Variants in VTI1A observed in about 807,000 individuals in gnomAD.
VTI1A encodes vesicle transport through interaction with t-SNAREs 1A, also known as vesicle transport through interaction with t-SNAREs homolog 1A.
A neutral mutation model predicts 34.9 loss-of-function variants in VTI1A; 22 were observed. The observed-to-expected ratio is 0.63, with a 90% CI of 0.45 to 0.90. VTI1A has a LOEUF of 0.90. Ranked by LOEUF, VTI1A falls within the 40% of genes least tolerant of loss-of-function variation. The pLI is 0.00. For synonymous variants in VTI1A, 87 were observed against 97.3 expected (o/e 0.89, Z 0.62); for missense variants, 268 against 275.6 (o/e 0.97, Z 0.20).
chr10:112,634,788 A>C (rs2134638002), intron 5 of VTI1A, among the ~76,000 whole-genome samples: 2 of 152,130 alleles, frequency 1.3e-5, no homozygotes, highest in African/African-American at 4.8e-5. Flanking sequence ...TTTTTTATAT[A>C]TCTGCCATGT....
rs11196057 is a variant in VTI1A at position 112,689,083 on chromosome 10, C to A, written c.560+20085C>A. Among the ~76,000 whole-genome samples the A allele has an allele frequency of 1.1e-3, 160 of 152,206 alleles. 2 individuals carry two copies. The East Asian group carries it at 0.024, about 23-fold the overall frequency. On this transcript the variant is annotated intron_variant, in intron 7 of 7. Transcript: ENST00000393077. ...AATTATTTGTACCTTTCTATAGTGA[C>A]CATCCAAACCACTTGCATGTATTAA...
chr10:112,528,694 C>A (rs12775066), intron 4 of VTI1A, among the ~76,000 whole-genome samples: 1 of 152,032 alleles, frequency 6.6e-6, no homozygotes, highest in African/African-American at 2.4e-5. Context: ...AAAACACTAT[C>A]TTTTTTGCAA....
intron 7 of VTI1A, among the ~76,000 whole-genome samples, chr10:112,808,867 A>G (rs1853186998): frequency 6.6e-6 from 1 of 152,170 alleles, no homozygotes; most frequent in African/African-American, 2.4e-5. Flanking sequence ...TGGTAGTAAG[A>G]ATGGTCCTTG....
At chr10:112,623,771 C>G (rs1305013538) in intron 5 of VTI1A, among the ~76,000 whole-genome samples, 1 of 152,074 alleles carries the variant, frequency 6.6e-6, no homozygotes, top group South Asian at 2.1e-4. Context: ...AAAAATACTG[C>G]GAGGGTTTCC....
intron 7 of VTI1A, among the ~76,000 whole-genome samples, chr10:112,670,219 C>T (rs532930826): frequency 2.0e-5 from 3 of 152,226 alleles, no homozygotes; most frequent in East Asian, 3.9e-4. Context: ...AGGGCTCCTG[C>T]GTCGTGAGCT....
At chr10:112,447,048 GGA>G, upstream of VTI1A, 1 of 314,734 alleles carries the variant, frequency 3.2e-6, no homozygotes, top group Non-Finnish European at 6.2e-6. Flanking sequence ...CACGAAGGGG[GGA>G]AAAAACGCTT....
chr10:112,797,001 G>A (rs1404492978), intron 7 of VTI1A, among the ~76,000 whole-genome samples: 1 of 152,146 alleles, frequency 6.6e-6, no homozygotes, highest in African/African-American at 2.4e-5. Context: ...AGTCAAAACT[G>A]TTGTCTGAAA....
intron 5 of VTI1A, among the ~76,000 whole-genome samples, chr10:112,555,749 T>C (rs1361387082): frequency 6.6e-6 from 1 of 152,054 alleles, no homozygotes; most frequent in Non-Finnish European, 1.5e-5. Context: ...ATTACCCTAC[T>C]TATTTCAGCC....
At chr10:112,628,583 A>G (rs1376598834) in intron 5 of VTI1A, among the ~76,000 whole-genome samples, 2 of 152,226 alleles carry the variant, frequency 1.3e-5, no homozygotes, top group East Asian at 3.8e-4. Context: ...ATAGTTGTTC[A>G]ACCAACTGCC....
intron 5 of VTI1A, among the ~76,000 whole-genome samples, chr10:112,551,206 T>C (rs1034170885): frequency 3.9e-5 from 5 of 127,176 alleles, no homozygotes; most frequent in Non-Finnish European, 1.5e-5. Flanking sequence ...ATCGCGCCAC[T>C]GCACTCCAGC....
intron 5 of VTI1A, among the ~76,000 whole-genome samples, chr10:112,547,389 C>A (rs929891067): frequency 6.6e-6 from 1 of 151,960 alleles, no homozygotes; most frequent in African/African-American, 2.4e-5. Context: ...CCAGCCTGAC[C>A]AACATGGTGA....
In VTI1A at chr10:112,818,283, T is replaced by C. The variant is rs1368851719; in HGVS notation, c.*2900T>C. On this transcript the variant is annotated 3_prime_UTR_variant, in exon 8 of 8. Coordinates refer to ENST00000393077, the MANE Select transcript of VTI1A (RefSeq NM_145206.4). ...TGAGGGTTATCATTAAGTAAAGAAA[T>C]AAAGAGGGGGAAAAAAGCCTGCCTG... 2 of 232,418 alleles carry C rather than the reference T, an allele frequency of 8.6e-6. No individual in the cohort carries two copies. The highest frequency in any genetic ancestry group is 5.7e-5 in the Admixed American group (1 of 17,692). 14.4% of individuals were successfully genotyped at this position (232,418 alleles called of 1,614,324 possible).
intron 7 of VTI1A, among the ~76,000 whole-genome samples, chr10:112,689,846 T>G (rs1408845834): frequency 6.6e-6 from 1 of 152,182 alleles, no homozygotes; most frequent in Non-Finnish European, 1.5e-5. Flanking sequence ...TGTGTTGCCT[T>G]GCTCCACCAC....
intron 7 of VTI1A, among the ~76,000 whole-genome samples, chr10:112,686,720 A>G (rs1275265401): frequency 1.3e-5 from 2 of 152,186 alleles, no homozygotes; most frequent in African/African-American, 4.8e-5. Context: ...TATGCTCTGG[A>G]CAGAATGAAC....
chr10:112,565,910 T>C (rs1376863859), intron 5 of VTI1A, among the ~76,000 whole-genome samples: 1 of 152,162 alleles, frequency 6.6e-6, no homozygotes, highest in African/African-American at 2.4e-5. Flanking sequence ...CCATAGATGT[T>C]AGTAAATGTA....
At chr10:112,587,804 T>C (rs979204468) in intron 5 of VTI1A, among the ~76,000 whole-genome samples, 3 of 152,030 alleles carry the variant, frequency 2.0e-5, no homozygotes, top group Non-Finnish European at 4.4e-5. Flanking sequence ...GGGGAGAAAA[T>C]GACTTTTAGA....
chr10:112,561,848 T>C (rs1447871411), intron 5 of VTI1A, among the ~76,000 whole-genome samples: 1 of 152,134 alleles, frequency 6.6e-6, no homozygotes, highest in Non-Finnish European at 1.5e-5. Flanking sequence ...GCTGTTGTAT[T>C]CTCTTTCCCT....
At chr10:112,746,083 A>G (rs1053529867) in intron 7 of VTI1A, among the ~76,000 whole-genome samples, 2 of 152,240 alleles carry the variant, frequency 1.3e-5, no homozygotes, top group Non-Finnish European at 2.9e-5. Context: ...CTAAGTCTCA[A>G]AACAGGTTTG....
At chr10:112,521,688 A>G (rs190969204) in intron 3 of VTI1A, among the ~76,000 whole-genome samples, 1 of 152,154 alleles carries the variant, frequency 6.6e-6, no homozygotes, top group East Asian at 1.9e-4. Context: ...ATCCATCCTA[A>G]CAATGTTCCA....
Sources: gnomAD v4.1 joint callset for allele counts (sites outside exome capture counted in the v4.1 genomes callset) on GRCh38, gnomAD v4.1.1 for gene constraint, MANE v1.5 for transcripts, NCBI Gene and HGNC (gene_info 2026-07-23, HGNC 2026-07-21) for gene names.